SLAMF7: variants seen among roughly 807,000 people sequenced by gnomAD.
SLAMF7 encodes 19A24 protein.
In SLAMF7, 26 loss-of-function variants were observed where a neutral mutation model predicts 34.1. The observed-to-expected ratio is 0.76, with a 90% CI of 0.56 to 1.06. The LOEUF is 1.06. Ranked by LOEUF, SLAMF7 falls within the 50% of genes least tolerant of loss-of-function variation. The pLI is 0.00. For missense variants in SLAMF7, 399 were observed against 402.5 expected, an observed-to-expected ratio of 0.99 and a Z score of 0.07; for synonymous variants, 171 against 156.4, an observed-to-expected ratio of 1.09 and a Z score of -0.70.
chr1:160,744,053 A>G (rs1418667802), intron 1 of SLAMF7, among the ~76,000 whole-genome samples: 1 of 152,236 alleles, frequency 6.6e-6, no homozygotes, highest in Non-Finnish European at 1.5e-5. Context: ...CGTAAGTGCC[A>G]GAATTATGAC....
At chr1:160,751,862 C>CTCTCTATATA (rs1664646652) in intron 5 of SLAMF7, 2 of 41,914 alleles carry the variant, frequency 4.8e-5, no homozygotes, top group Non-Finnish European at 8.8e-5. Context: ...CTCTCTCTCT[C>CTCTCTATATA]TATATATATA....
At position 160,743,802 on chromosome 1, in the gene SLAMF7, C is replaced by T. The variant is rs559087416; in HGVS notation, c.56-4392C>T. On this transcript the variant is annotated intron_variant, in intron 1 of 6. Coordinates refer to ENST00000368043, the MANE Select transcript of SLAMF7 (RefSeq NM_021181.5). Reference sequence around the variant, plus strand: ...CTTCTGGGTTCAAGGAATCCTCCCACCTCAGCCTCTCGAGTATCTGGGACC... The same window carrying T: ...CTTCTGGGTTCAAGGAATCCTCCCATCTCAGCCTCTCGAGTATCTGGGACC... Among the ~76,000 whole-genome samples the T allele has an allele frequency of 5.9e-5, 9 of 152,302 alleles. No individual in the cohort carries two copies. In the East Asian group the frequency reaches 1.7e-3, roughly 29 times the overall value.
In SLAMF7 at chr1:160,748,375, G is replaced by A. The variant is rs1225092821; in HGVS notation, c.237G>A (p.Glu79=). 1 of 1,614,102 alleles carries A rather than the reference G, an allele frequency of 6.2e-7. No homozygotes were observed. The highest frequency in any genetic ancestry group is 2.2e-5 in the East Asian group (1 of 44,880). ...TIIVTQNRNR[E]RVDFPDGGYS... ...TAGTGACCCAAAATCGTAATAGGGA[G>A]AGAGTAGACTTCCCAGATGGAGGCT... Residue 79 remains glutamate, a synonymous_variant, in exon 2 of 7, where the codon GAG becomes GAA. Transcript: ENST00000368043.
At position 160,748,257 on chromosome 1, in the gene SLAMF7, C is replaced by T; in HGVS notation, c.119C>T (p.Pro40Leu). ...VGSVGGAVTFPLKSKVKQVDS... is the reference protein window; with the variant it reads ...VGSVGGAVTFLLKSKVKQVDS... ...TCCGTTGGTGGGGCCGTGACTTTCC[C>T]CCTGAAGTCCAAAGTAAAGCAAGTT... Residue 40 changes from proline to leucine, a missense_variant, in exon 2 of 7, where the codon CCC (proline) becomes CTC (leucine). Pro to Leu is a moderately conservative substitution (Grantham distance 98). Transcript: ENST00000368043. 1 of 1,614,040 alleles carries T rather than the reference C, an allele frequency of 6.2e-7. No homozygotes were observed. The highest frequency in any genetic ancestry group is 8.5e-7 in the Non-Finnish European group (1 of 1,179,944).
chr1:160,754,730 G>C lies in SLAMF7; in HGVS notation c.*1553G>C, dbSNP rs1241770615. On this transcript the variant is annotated 3_prime_UTR_variant, in exon 7 of 7. Transcript: ENST00000368043. Reference sequence around the variant, plus strand: ...AAGGCATTGTGAAGGAATTGAGCCAGATCTCTCTCCCTACTGCAAAACCCT... The same window carrying C: ...AAGGCATTGTGAAGGAATTGAGCCACATCTCTCTCCCTACTGCAAAACCCT... The C allele has an allele frequency of 1.3e-5, 2 of 152,358 alleles. No homozygotes were observed. The highest frequency in any genetic ancestry group is 4.8e-5 in the African/African-American group (2 of 41,458). 9.4% of individuals were successfully genotyped at this position (152,358 alleles called of 1,614,324 possible). A position where few individuals can be genotyped will look rare whatever the true frequency, so the allele number is the denominator to read the frequency against.
In SLAMF7 at chr1:160,740,420, C is replaced by T. The variant is rs752049787; in HGVS notation, c.55+1064C>T. Among the ~76,000 whole-genome samples, 6 of 152,226 alleles carry T rather than the reference C, an allele frequency of 3.9e-5. No individual in the cohort carries two copies. The South Asian group carries it at 8.3e-4, about 21-fold the overall frequency. ...CAGGTGTCCATCTGAAATCAGTCAG[C>T]GAAAGAGCACAAGTATGAAAAACTG... is the stretch of plus-strand genomic sequence containing the variant. On this transcript the variant is annotated intron_variant, in intron 1 of 6. Transcript: ENST00000368043.
chr1:160,750,068 C>T lies in SLAMF7; in HGVS notation c.624C>T (p.Pro208=), dbSNP rs752556683. ...CTGTCAGCAGAAACTTCTCAAGCCC[C>T]ATCCTTGCCAGGAAGCTCTGTGAAG... The part of the protein sequence containing the change: ...RNPVSRNFSS[P]ILARKLCEGA... The change falls in exon 3 of 7, where the codon CCC becomes CCT. Residue 208 remains proline, a synonymous_variant. Transcript: ENST00000368043. 9.3e-6 allele frequency: 15 copies of T among 1,613,956 alleles called. No individual in the cohort carries two copies. The South Asian group carries it at 1.2e-4, about 13-fold the overall frequency.
intron 2 of SLAMF7, 77 bp from the exon 3 acceptor site, chr1:160,749,740 GGTCC>G: frequency 7.8e-7 from 1 of 1,285,866 alleles, no homozygotes; most frequent in Non-Finnish European, 1.1e-6. Flanking sequence ...GGGAGATTCA[GGTCC>G]AAGGTATCCA....
chr1:160,742,259 G>A (rs1663807116), intron 1 of SLAMF7, among the ~76,000 whole-genome samples: 1 of 152,154 alleles, frequency 6.6e-6, no homozygotes, highest in Admixed American at 6.5e-5. Flanking sequence ...AAATCTCACA[G>A]CTGACTCCTC....
intron 5 of SLAMF7, 165 bp from the exon 6 acceptor site, chr1:160,752,021 G>C (rs887548724): frequency 2.5e-5 from 14 of 555,756 alleles, no homozygotes; most frequent in African/African-American, 3.8e-5. Context: ...TCACCAACAA[G>C]AGAACTTCCT....
chr1:160,752,088 G>GCTTTCCCCT (rs1664678769), intron 5 of SLAMF7, 98 bp from the exon 6 acceptor site: 4 of 984,186 alleles, frequency 4.1e-6, no homozygotes, highest in Non-Finnish European at 6.3e-6. Flanking sequence ...TCCCATCTCT[G>GCTTTCCCCT]CTTTCCCCTC....
chr1:160,751,714 C>T (rs1163506186), intron 5 of SLAMF7: 5 of 359,660 alleles, frequency 1.4e-5, no homozygotes, highest in East Asian at 5.1e-5. Context: ...CAGTTCATAA[C>T]GGCCACACAA....
intron 1 of SLAMF7, among the ~76,000 whole-genome samples, chr1:160,747,942 A>G (rs543063183): frequency 9.2e-5 from 14 of 152,290 alleles, no homozygotes; most frequent in African/African-American, 2.9e-4. Flanking sequence ...ATGATTTTTT[A>G]TAAGTCATAC....
chr1:160,751,164 CT>C (rs1208575182), intron 4 of SLAMF7, 180 bp from the exon 5 acceptor site: 4 of 583,612 alleles, frequency 6.9e-6, no homozygotes, highest in Non-Finnish European at 1.2e-5. Context: ...CCAATTCATC[CT>C]GATTTGTTTA....
chr1:160,744,369 A>G (rs1004817979), intron 1 of SLAMF7, among the ~76,000 whole-genome samples: 8 of 152,214 alleles, frequency 5.3e-5, no homozygotes, highest in African/African-American at 1.9e-4. Flanking sequence ...CGAGAATGGC[A>G]TGGAGCTACT....
At chr1:160,744,924 C>G (rs1664015221) in intron 1 of SLAMF7, among the ~76,000 whole-genome samples, 1 of 152,104 alleles carries the variant, frequency 6.6e-6, no homozygotes, top group African/African-American at 2.4e-5. Flanking sequence ...TAAAGATGAA[C>G]AAAGAGAGCA....
intron 5 of SLAMF7, 73 bp from the exon 6 acceptor site, chr1:160,752,113 G>A (rs1664679659): frequency 1.6e-6 from 2 of 1,227,214 alleles, no homozygotes; most frequent in Non-Finnish European, 2.4e-6. Flanking sequence ...GATTCTGAAT[G>A]TCTCTCTGGC....
intron 1 of SLAMF7, among the ~76,000 whole-genome samples, chr1:160,741,091 G>C (rs1558051660): frequency 6.6e-6 from 1 of 152,176 alleles, no homozygotes; most frequent in Non-Finnish European, 1.5e-5. Context: ...AAAGGCCCGA[G>C]AAGAACGGGT....
chr1:160,748,141 T>A (rs1346487617), intron 1 of SLAMF7, 53 bp from the exon 2 acceptor site: 13 of 1,566,626 alleles, frequency 8.3e-6, no homozygotes, highest in Non-Finnish European at 1.1e-5. Context: ...GGGTGAGTAA[T>A]TGGTGACAAG....
Sources: gnomAD v4.1 joint callset for allele counts (sites outside exome capture counted in the v4.1 genomes callset) on GRCh38, gnomAD v4.1.1 for gene constraint, MANE v1.5 for transcripts, NCBI Gene and HGNC (gene_info 2026-07-23, HGNC 2026-07-21) for gene names.